The following NCAM2 variants were observed in gnomAD, a reference collection of about 807,000 sequenced individuals.
NCAM2 encodes the protein N-CAM-2.
A neutral mutation model predicts 98.1 loss-of-function variants in NCAM2; 30 were observed. The ratio of observed to expected loss-of-function variants is 0.31; its 90% CI spans 0.23 to 0.41. The LOEUF is 0.41. Ranked by LOEUF, NCAM2 falls within the 10% of genes least tolerant of loss-of-function variation. The probability of loss-of-function intolerance (pLI) is 1.00; values close to 1 mark genes in which losing one functional copy is unlikely to be tolerated. For missense variants in NCAM2, 867 were observed against 1,005.8 expected (o/e 0.86, Z 1.87); for synonymous variants, 368 against 342.4 (o/e 1.07, Z -0.83).
At chr21:21,035,263 G>T (rs2064773507) in intron 1 of NCAM2, among the ~76,000 whole-genome samples, 1 of 151,998 alleles carries the variant, frequency 6.6e-6, no homozygotes, top group Non-Finnish European at 1.5e-5. Flanking sequence ...AAAATAACTG[G>T]TATTTCCAAT....
intron 9 of NCAM2, among the ~76,000 whole-genome samples, chr21:21,401,851 A>C (rs576763740): frequency 1.8e-4 from 28 of 152,320 alleles, no homozygotes; most frequent in African/African-American, 6.5e-4. Flanking sequence ...TGTTGCAGGA[A>C]GTCAGGGACC....
At chr21:21,357,795 A>T (rs1476522600) in intron 8 of NCAM2, among the ~76,000 whole-genome samples, 3 of 152,210 alleles carry the variant, frequency 2.0e-5, no homozygotes, top group African/African-American at 7.2e-5. Flanking sequence ...CAAATAAAAA[A>T]ACAAATAATA....
chr21:21,391,198 G>A (rs1438987964), intron 9 of NCAM2, among the ~76,000 whole-genome samples: 2 of 151,844 alleles, frequency 1.3e-5, no homozygotes, highest in African/African-American at 4.8e-5. Context: ...AGTAATAATA[G>A]TAATAATAGA....
intron 5 of NCAM2, among the ~76,000 whole-genome samples, chr21:21,296,410 A>G (rs2073480474): frequency 6.7e-6 from 1 of 149,156 alleles, no homozygotes; most frequent in South Asian, 2.1e-4. Context: ...TGTAAAACAA[A>G]CAAGAGCATA....
intron 1 of NCAM2, chr21:21,226,628 T>C (rs1243042263): frequency 6.6e-6 from 1 of 152,036 alleles, no homozygotes; most frequent in African/African-American, 2.4e-5. Context: ...ACTGCCCTGA[T>C]GAGATCATAG....
intron 1 of NCAM2, among the ~76,000 whole-genome samples, chr21:21,033,137 G>A (rs1434963938): frequency 6.6e-6 from 1 of 152,056 alleles, no homozygotes. Context: ...TTTTAGTAGA[G>A]ACGGGGTTTC....
intron 1 of NCAM2, among the ~76,000 whole-genome samples, chr21:21,053,177 T>A (rs2065145739): frequency 6.6e-6 from 1 of 152,176 alleles, no homozygotes; most frequent in Admixed American, 6.5e-5. Context: ...ATTTAAAATT[T>A]GCTTCTGAGT....
chr21:21,433,765 TAAAATA>T (rs2077399207), intron 12 of NCAM2, among the ~76,000 whole-genome samples: 1 of 140,150 alleles, frequency 7.1e-6, no homozygotes, highest in South Asian at 2.2e-4. Context: ...TAAAATAAAA[TAAAATA>T]AAATAAAATA....
At chr21:21,001,443 C>T (rs1282709553) in intron 1 of NCAM2, among the ~76,000 whole-genome samples, 3 of 152,118 alleles carry the variant, frequency 2.0e-5, no homozygotes, top group Non-Finnish European at 2.9e-5. Context: ...GTAACTTTTG[C>T]AATTATTTTT....
In NCAM2 at chr21:21,376,228, A is replaced by G. The variant is rs149604978; in HGVS notation, c.1195+2215A>G. The stretch of plus-strand genomic sequence containing the variant: ...AGAGATGCCCTGGGATTTCTGAATT[A>G]TTGTCCATGCATGACAGCATAGGTA... On this transcript the variant is annotated intron_variant, in intron 9 of 17. Coordinates refer to ENST00000400546, the MANE Select transcript of NCAM2 (RefSeq NM_004540.5). 5.9e-4 allele frequency among the ~76,000 whole-genome samples: 90 copies of G among 151,966 alleles called. 1 individual carries two copies. Among genetic ancestry groups the G allele is most frequent in the African/African-American group, 2.1e-3 (88 of 41,526 alleles).
intron 1 of NCAM2, among the ~76,000 whole-genome samples, chr21:21,053,675 T>C (rs2146303386): frequency 6.6e-6 from 1 of 151,462 alleles, no homozygotes; most frequent in South Asian, 2.1e-4. Flanking sequence ...TCATTTTTTT[T>C]GTCATGAGTA....
chr21:21,181,545 T>A (rs1174862394), intron 1 of NCAM2, among the ~76,000 whole-genome samples: 1 of 152,176 alleles, frequency 6.6e-6, no homozygotes, highest in African/African-American at 2.4e-5. Flanking sequence ...ATATGAATTT[T>A]GTGAATGTGC....
At chr21:21,476,820 A>G (rs1220557177) in intron 14 of NCAM2, among the ~76,000 whole-genome samples, 1 of 152,024 alleles carries the variant, frequency 6.6e-6, no homozygotes, top group Non-Finnish European at 1.5e-5. Flanking sequence ...ATATAAATCT[A>G]TCATTCATAT....
At chr21:21,006,291 G>C (rs2064112153) in intron 1 of NCAM2, among the ~76,000 whole-genome samples, 1 of 152,140 alleles carries the variant, frequency 6.6e-6, no homozygotes, top group African/African-American at 2.4e-5. Flanking sequence ...CAGGTTGCTT[G>C]AGATCAGAAG....
At chr21:21,198,070 A>G (rs762522574) in intron 1 of NCAM2, among the ~76,000 whole-genome samples, 2 of 152,202 alleles carry the variant, frequency 1.3e-5, no homozygotes, top group Non-Finnish European at 2.9e-5. Flanking sequence ...GTGAGTTAAC[A>G]TATATGAAAA....
intron 8 of NCAM2, among the ~76,000 whole-genome samples, chr21:21,364,283 T>C (rs554735617): frequency 2.0e-5 from 3 of 151,964 alleles, no homozygotes; most frequent in Admixed American, 6.6e-5. Flanking sequence ...AAATCTGTTA[T>C]CAATTATACA....
chr21:21,279,155 G>A (rs563144436), intron 1 of NCAM2, among the ~76,000 whole-genome samples: 12 of 152,260 alleles, frequency 7.9e-5, no homozygotes, highest in Admixed American at 2.6e-4. Context: ...CCAGGTTGAA[G>A]TTTTCCAAAG....
At chr21:21,428,218 T>G (rs1186764532) in intron 11 of NCAM2, among the ~76,000 whole-genome samples, 1 of 152,202 alleles carries the variant, frequency 6.6e-6, no homozygotes, top group Non-Finnish European at 1.5e-5. Context: ...CATCAATTTT[T>G]GGGATATAAG....
At position 21,352,523 on chromosome 21, in the gene NCAM2, G is replaced by A. The variant is rs1391293041; in HGVS notation, c.1044+13989G>A. Among the ~76,000 whole-genome samples, 3 of 151,906 alleles carry A rather than the reference G, an allele frequency of 2.0e-5. No homozygotes were observed. The East Asian group carries it at 5.8e-4, about 30-fold the overall frequency. Reference sequence around the variant, plus strand: ...TTGATGAATTATAATGGGAAGTCATGGAAAGTGTCACACAATTAAAGCTTA... The same window carrying A: ...TTGATGAATTATAATGGGAAGTCATAGAAAGTGTCACACAATTAAAGCTTA... On this transcript the variant is annotated intron_variant, in intron 8 of 17. Coordinates refer to ENST00000400546, the MANE Select transcript of NCAM2 (RefSeq NM_004540.5).
Sources: allele counts gnomAD v4.1 joint callset (sites outside exome capture counted in the v4.1 genomes callset), GRCh38; gene constraint gnomAD v4.1.1; transcripts MANE v1.5; gene names NCBI Gene and HGNC (gene_info 2026-07-23, HGNC 2026-07-21).